Variants in ST6GALNAC3 observed in about 807,000 individuals in gnomAD.
ST6GALNAC3 encodes the protein alpha-N-acetylgalactosaminide alpha-2,6-sialyltransferase 3.
ST6GALNAC3 carries 25 observed loss-of-function variants against 32.7 expected under a neutral mutation model. That is an observed-to-expected ratio of 0.76 (90% CI 0.56 to 1.07). The LOEUF is 1.07. ST6GALNAC3 is among the 50% of genes least tolerant of loss of function. The pLI is 0.00. For synonymous variants in ST6GALNAC3, 129 were observed against 133.1 expected, an observed-to-expected ratio of 0.97 and a Z score of 0.21; for missense variants, 355 against 382.4, an observed-to-expected ratio of 0.93 and a Z score of 0.60.
chr1:76,215,491 C>A (rs573156822), intron 1 of ST6GALNAC3, among the ~76,000 whole-genome samples: 2 of 152,292 alleles, frequency 1.3e-5, no homozygotes, highest in African/African-American at 2.4e-5. Flanking sequence ...ATATTTCATG[C>A]CCCTCCCCTG....
At chr1:76,226,301 G>A (rs1006824535) in intron 1 of ST6GALNAC3, among the ~76,000 whole-genome samples, 2 of 152,194 alleles carry the variant, frequency 1.3e-5, no homozygotes, top group Non-Finnish European at 2.9e-5. Context: ...GTCATTTAGT[G>A]CCAATCCAGG....
In ST6GALNAC3 at chr1:76,410,031, C is replaced by G. The variant is rs146372056; in HGVS notation, c.214-1977C>G. Among the ~76,000 whole-genome samples the G allele has an allele frequency of 3.5e-3, 536 of 152,222 alleles. 2 individuals carry two copies. The highest frequency in any genetic ancestry group is 0.013 in the African/African-American group (526 of 41,562). ...TCCTCTCTTGCTGGGATTGTAGCAG[C>G]GGCCTAATCTCCTGCTTCCACCCTG... On this transcript the variant is annotated intron_variant, in intron 2 of 4. Coordinates refer to ENST00000328299, the MANE Select transcript of ST6GALNAC3 (RefSeq NM_152996.4).
intron 1 of ST6GALNAC3, among the ~76,000 whole-genome samples, chr1:76,109,594 A>C (rs1325123330): frequency 6.6e-6 from 1 of 152,216 alleles, no homozygotes; most frequent in Non-Finnish European, 1.5e-5. Context: ...TCAATAAAGC[A>C]TGTGAAGACC....
intron 2 of ST6GALNAC3, among the ~76,000 whole-genome samples, chr1:76,399,104 T>C (rs1275656184): frequency 1.3e-5 from 2 of 152,186 alleles, no homozygotes; most frequent in East Asian, 3.8e-4. Flanking sequence ...TTGTTATGTA[T>C]TTTGTATATT....
At chr1:76,361,447 AT>A (rs1649928093) in intron 2 of ST6GALNAC3, among the ~76,000 whole-genome samples, 1 of 152,194 alleles carries the variant, frequency 6.6e-6, no homozygotes, top group Non-Finnish European at 1.5e-5. Context: ...TTTTACATAT[AT>A]ACCACATTTT....
chr1:76,454,198 A>G (rs1657605312), intron 3 of ST6GALNAC3, among the ~76,000 whole-genome samples: 1 of 152,128 alleles, frequency 6.6e-6, no homozygotes, highest in Non-Finnish European at 1.5e-5. Flanking sequence ...TCTCTTGAAG[A>G]CAGCAGATAC....
chr1:76,462,281 G>T (rs1045069903), intron 3 of ST6GALNAC3, among the ~76,000 whole-genome samples: 4 of 151,766 alleles, frequency 2.6e-5, no homozygotes, highest in African/African-American at 7.3e-5. Flanking sequence ...GTTGTTTCCT[G>T]CTCTCTCCCC....
intron 1 of ST6GALNAC3, among the ~76,000 whole-genome samples, chr1:76,169,075 T>C: frequency 6.6e-6 from 1 of 152,208 alleles, no homozygotes; most frequent in African/African-American, 2.4e-5. Context: ...CAGTGTGTTT[T>C]TGTAGTGCTG....
chr1:76,113,230 T>C (rs1376147219), intron 1 of ST6GALNAC3, among the ~76,000 whole-genome samples: 3 of 151,624 alleles, frequency 2.0e-5, no homozygotes, highest in South Asian at 4.2e-4. Flanking sequence ...TCGCAGGCAC[T>C]CGGCAGGCTG....
chr1:76,370,404 C>T (rs1018985848), intron 2 of ST6GALNAC3, among the ~76,000 whole-genome samples: 3 of 152,126 alleles, frequency 2.0e-5, no homozygotes, highest in African/African-American at 7.2e-5. Context: ...CTTTTCCTCC[C>T]ATCTTTTTCC....
chr1:76,268,002 G>T (rs1200867865), intron 1 of ST6GALNAC3, among the ~76,000 whole-genome samples: 2 of 152,294 alleles, frequency 1.3e-5, no homozygotes, highest in South Asian at 2.1e-4. Flanking sequence ...TAATTGATTT[G>T]TCTGGAAAGA....
intron 1 of ST6GALNAC3, among the ~76,000 whole-genome samples, chr1:76,312,557 A>C (rs993744457): frequency 6.6e-6 from 1 of 151,674 alleles, no homozygotes; most frequent in African/African-American, 2.4e-5. Flanking sequence ...GAATCTATGA[A>C]GAACTTAAAC....
intron 3 of ST6GALNAC3, among the ~76,000 whole-genome samples, chr1:76,587,554 C>A (rs903124114): frequency 1.3e-5 from 2 of 150,410 alleles, no homozygotes; most frequent in Non-Finnish European, 2.9e-5. Context: ...CGAATCAGGT[C>A]CAAATCCCAC....
At chr1:76,184,058 C>A (rs1653376150) in intron 1 of ST6GALNAC3, among the ~76,000 whole-genome samples, 1 of 151,730 alleles carries the variant, frequency 6.6e-6, no homozygotes, top group Non-Finnish European at 1.5e-5. Flanking sequence ...TTCACGTAAC[C>A]CATTTTAACA....
chr1:76,555,526 G>A (rs551515953), intron 3 of ST6GALNAC3, among the ~76,000 whole-genome samples: 3 of 152,170 alleles, frequency 2.0e-5, no homozygotes, highest in African/African-American at 4.8e-5. Flanking sequence ...AAGTGAACCT[G>A]GTCATTAATG....
intron 3 of ST6GALNAC3, among the ~76,000 whole-genome samples, chr1:76,526,066 T>G (rs908239953): frequency 3.9e-4 from 59 of 151,738 alleles, no homozygotes; most frequent in Admixed American, 3.9e-3. Flanking sequence ...TTACATTGTC[T>G]TCTGAATTCA....
At chr1:76,363,716 A>C (rs1004603287) in intron 2 of ST6GALNAC3, among the ~76,000 whole-genome samples, 9 of 152,328 alleles carry the variant, frequency 5.9e-5, no homozygotes, top group South Asian at 2.1e-4. Flanking sequence ...AGGAAGCATG[A>C]TGCTGGCATC....
chr1:76,197,856 G>A (rs920880348), intron 1 of ST6GALNAC3, among the ~76,000 whole-genome samples: 1 of 152,144 alleles, frequency 6.6e-6, no homozygotes, highest in Non-Finnish European at 1.5e-5. Flanking sequence ...AGGATGTTTA[G>A]TAGCATCTCT....
intron 2 of ST6GALNAC3, among the ~76,000 whole-genome samples, chr1:76,359,237 A>T (rs563859529): frequency 3.2e-4 from 48 of 152,282 alleles, no homozygotes; most frequent in Non-Finnish European, 5.3e-4. Flanking sequence ...TGGTTGAATT[A>T]TGTCCCTCCA....
Sources: gnomAD v4.1 joint callset for allele counts (sites outside exome capture counted in the v4.1 genomes callset) on GRCh38, gnomAD v4.1.1 for gene constraint, MANE v1.5 for transcripts, NCBI Gene and HGNC (gene_info 2026-07-23, HGNC 2026-07-21) for gene names.